Variants in ARMC9 observed in about 807,000 individuals in gnomAD.
ARMC9 encodes the protein lisH domain-containing protein ARMC9.
ARMC9 carries 94 observed loss-of-function variants against 107.0 expected under a neutral mutation model. The ratio of observed to expected loss-of-function variants is 0.88; its 90% CI spans 0.74 to 1.04. The LOEUF is 1.04. Ranked by LOEUF, ARMC9 falls within the 50% of genes least tolerant of loss-of-function variation. ARMC9 has a pLI of 0.00. For synonymous variants in ARMC9, 380 were observed against 396.9 expected (o/e 0.96, Z 0.51); for missense variants, 942 against 1,030.1 (o/e 0.91, Z 1.17).
chr2:231,288,307 A>C lies in ARMC9; in HGVS notation c.1627-3046A>C, dbSNP rs180823081. 2.0e-3 allele frequency among the ~76,000 whole-genome samples: 301 copies of C among 152,300 alleles called. 2 individuals are homozygous for C. Among genetic ancestry groups the C allele is most frequent in the Non-Finnish European group, 8.1e-4 (55 of 68,030 alleles). On this transcript the variant is annotated intron_variant, in intron 17 of 24. Coordinates refer to ENST00000611582, the MANE Select transcript of ARMC9 (RefSeq NM_001352754.2). Reference sequence around the variant, plus strand: ...TAAAACAATGTACATAAAAGGAAGGAAATACTTCAGAATGTTCCCAATTAT... The same window carrying C: ...TAAAACAATGTACATAAAAGGAAGGCAATACTTCAGAATGTTCCCAATTAT...
intron 9 of ARMC9, among the ~76,000 whole-genome samples, chr2:231,252,213 A>G (rs373632237): frequency 4.5e-4 from 68 of 152,320 alleles, no homozygotes; most frequent in African/African-American, 1.5e-3. Context: ...AGCCAATATC[A>G]CTAATTATCA....
chr2:231,225,521 C>A (rs747664136), intron 6 of ARMC9, among the ~76,000 whole-genome samples: 5 of 152,148 alleles, frequency 3.3e-5, no homozygotes, highest in Non-Finnish European at 5.9e-5. Context: ...GATGGAATAT[C>A]GTTTGATATC....
chr2:231,296,973 A>G (rs935662162), intron 19 of ARMC9, among the ~76,000 whole-genome samples: 1 of 152,088 alleles, frequency 6.6e-6, no homozygotes, highest in South Asian at 2.1e-4. Flanking sequence ...ATGCTGGAAC[A>G]TTTTCATCTA....
At chr2:231,208,965 G>A (rs995409714) in intron 3 of ARMC9, among the ~76,000 whole-genome samples, 1 of 151,834 alleles carries the variant, frequency 6.6e-6, no homozygotes, top group Non-Finnish European at 1.5e-5. Context: ...GCGGTGGTAC[G>A]ATCTCGGCTC....
chr2:231,243,829 T>C (rs571709021), intron 9 of ARMC9, among the ~76,000 whole-genome samples: 2 of 152,328 alleles, frequency 1.3e-5, no homozygotes, highest in African/African-American at 4.8e-5. Flanking sequence ...AGATTTACAA[T>C]GTGTGAAGAA....
At chr2:231,350,750 T>A (rs2045030757) in intron 21 of ARMC9, among the ~76,000 whole-genome samples, 1 of 152,020 alleles carries the variant, frequency 6.6e-6, no homozygotes, top group African/African-American at 2.4e-5. Flanking sequence ...CCCAGTTTTT[T>A]AAATTTAACT....
chr2:231,234,587 G>A (rs1314037161), intron 7 of ARMC9, among the ~76,000 whole-genome samples: 1 of 152,164 alleles, frequency 6.6e-6, no homozygotes, highest in Non-Finnish European at 1.5e-5. Context: ...TATGAGCTCA[G>A]TATAGAATAA....
chr2:231,333,685 G>A (rs2043894036), intron 20 of ARMC9, among the ~76,000 whole-genome samples: 1 of 152,162 alleles, frequency 6.6e-6, no homozygotes, highest in Admixed American at 6.5e-5. Context: ...AAACAGAGGA[G>A]GCAAATTGGT....
chr2:231,340,574 A>T (rs2044434554), intron 20 of ARMC9, among the ~76,000 whole-genome samples: 1 of 152,214 alleles, frequency 6.6e-6, no homozygotes, highest in Non-Finnish European at 1.5e-5. Flanking sequence ...ACTGTGAATC[A>T]TGGAAATTTT....
At chr2:231,348,905 C>T (rs949121606) in intron 21 of ARMC9, among the ~76,000 whole-genome samples, 1 of 152,098 alleles carries the variant, frequency 6.6e-6, no homozygotes, top group Non-Finnish European at 1.5e-5. Flanking sequence ...CCCGTTAAAA[C>T]GGCTTATCTC....
At chr2:231,214,330 G>A (rs1318213852) in intron 3 of ARMC9, among the ~76,000 whole-genome samples, 1 of 152,214 alleles carries the variant, frequency 6.6e-6, no homozygotes, top group Non-Finnish European at 1.5e-5. Context: ...GCAAGTGGCA[G>A]CTCTATCTCC....
At chr2:231,319,008 T>C (rs1307794630) in intron 19 of ARMC9, among the ~76,000 whole-genome samples, 1 of 151,896 alleles carries the variant, frequency 6.6e-6, no homozygotes, top group Non-Finnish European at 1.5e-5. Context: ...CAGAAGCATA[T>C]TGGGGGCCTT....
At chr2:231,334,975 G>C (rs1029519466) in intron 20 of ARMC9, among the ~76,000 whole-genome samples, 1 of 152,164 alleles carries the variant, frequency 6.6e-6, no homozygotes, top group African/African-American at 2.4e-5. Flanking sequence ...CCCTTGTTCC[G>C]ATGTACTGGG....
intron 11 of ARMC9, 25 bp from the exon 12 acceptor site, chr2:231,262,281 C>A: frequency 6.2e-7 from 1 of 1,610,528 alleles, no homozygotes; most frequent in Non-Finnish European, 8.5e-7. Context: ...TTAGGTCTCA[C>A]TACTTTTGTT....
chr2:231,224,728 C>T (rs968380476), intron 6 of ARMC9, among the ~76,000 whole-genome samples: 1 of 152,092 alleles, frequency 6.6e-6, no homozygotes, highest in African/African-American at 2.4e-5. Context: ...ATACATTAAG[C>T]TTCTACTATG....
rs181392443 is a variant in ARMC9 at position 231,265,437 on chromosome 2, C to A, written c.1119+3039C>A. Among the ~76,000 whole-genome samples, 4 of 152,302 alleles carry A rather than the reference C, an allele frequency of 2.6e-5. No individual in the cohort carries two copies. In the East Asian group the frequency reaches 7.7e-4, roughly 29 times the overall value. Reference sequence around the variant, plus strand: ...GCCATAAAAAGGAATGAAATAATGTCTTTTGCTGCAATTTGGATGGAGCTG... The same window carrying A: ...GCCATAAAAAGGAATGAAATAATGTATTTTGCTGCAATTTGGATGGAGCTG... On this transcript the variant is annotated intron_variant, in intron 12 of 24. Transcript: ENST00000611582.
intron 12 of ARMC9, among the ~76,000 whole-genome samples, chr2:231,267,428 G>A (rs527448295): frequency 1.5e-4 from 23 of 152,106 alleles, no homozygotes; most frequent in South Asian, 1.0e-3. Context: ...ATGGGGTTTC[G>A]CCATGTTGGC....
In ARMC9 at chr2:231,359,082, G is replaced by GTTCTTTTTTTTTTT. The variant is rs767321498; in HGVS notation, c.2132-1670_2132-1669insCTTTTTTTTTTTTT. ...GCTGTCTTAGTTAGGGGGGTCTCCT[G>GTTCTTTTTTTTTTT]TTTTTTTTTTTTTTTTTTTTTGAGA... On this transcript the variant is annotated intron_variant, in intron 22 of 24. Transcript: ENST00000611582. 4.3e-4 allele frequency among the ~76,000 whole-genome samples: 51 copies of GTTCTTTTTTTTTTT among 117,810 alleles called. 2 individuals are homozygous for GTTCTTTTTTTTTTT. The highest frequency in any genetic ancestry group is 1.2e-3 in the African/African-American group (35 of 28,298). The allele number at this position is 117,810 out of a possible 152,430, so 77.3% of individuals were successfully genotyped here.
chr2:231,276,790 C>G lies in ARMC9; in HGVS notation c.1474+15C>G. 6.2e-7 allele frequency: 1 copy of G among 1,613,326 alleles called. No individual in the cohort carries two copies. The stretch of plus-strand genomic sequence containing the variant: ...CCGCAGCACAGGTCTCAGCCCCGAC[C>G]CTCATTCTAGTGCAAGAAGGGGAAG... On this transcript the variant is annotated intron_variant, in intron 15 of 24. Transcript: ENST00000611582.
Sources: gnomAD v4.1 joint callset for allele counts (sites outside exome capture counted in the v4.1 genomes callset) on GRCh38, gnomAD v4.1.1 for gene constraint, MANE v1.5 for transcripts, NCBI Gene and HGNC (gene_info 2026-07-23, HGNC 2026-07-21) for gene names.